Variants in EPRS1 observed in about 807,000 individuals in gnomAD.
EPRS1 encodes glutamyl-prolyl-tRNA synthetase 1.
EPRS1 carries 107 observed loss-of-function variants against 188.3 expected under a neutral mutation model. That is an observed-to-expected ratio of 0.57 (90% CI 0.49 to 0.67). The LOEUF is 0.67. EPRS1 is among the 30% of genes least tolerant of loss of function. The pLI, the probability that EPRS1 is intolerant of heterozygous loss-of-function variation, is 0.00. For missense variants in EPRS1, 1,577 were observed against 1,802.2 expected, an observed-to-expected ratio of 0.88 and a Z score of 2.26; for synonymous variants, 596 against 593.1, an observed-to-expected ratio of 1.00 and a Z score of -0.07.
chr1:220,014,522 G>A (rs945747014), intron 12 of EPRS1, among the ~76,000 whole-genome samples: 2 of 152,100 alleles, frequency 1.3e-5, no homozygotes, highest in Non-Finnish European at 1.5e-5. Flanking sequence ...GGTACTGCAC[G>A]AGAGACAATG....
chr1:220,024,136 A>G, intron 8 of EPRS1, 128 bp downstream of exon 8: 1 of 651,034 alleles, frequency 1.5e-6, no homozygotes, highest in South Asian at 2.3e-5. Flanking sequence ...CAGGCAACAG[A>G]GCGAGACTCC....
At chr1:220,026,221 C>G (rs76542034) in intron 6 of EPRS1, among the ~76,000 whole-genome samples, 1 of 152,164 alleles carries the variant, frequency 6.6e-6, no homozygotes, top group East Asian at 1.9e-4. Context: ...TAAATAATCC[C>G]AAAGGTCTCA....
intron 28 of EPRS1, among the ~76,000 whole-genome samples, chr1:219,977,958 G>GA (rs1273363528): frequency 1.3e-5 from 2 of 152,038 alleles, no homozygotes; most frequent in South Asian, 2.1e-4. Context: ...TTCAGCATAA[G>GA]AAAAAAATGT....
chr1:220,028,029 G>C (rs1662016840), intron 6 of EPRS1, among the ~76,000 whole-genome samples: 1 of 151,974 alleles, frequency 6.6e-6, no homozygotes, highest in Admixed American at 6.6e-5. Flanking sequence ...TTAATGTTAG[G>C]AAAAACTGGG....
In EPRS1 at chr1:220,034,934, T is replaced by G; in HGVS notation, c.211A>C (p.Asn71His). The change falls in exon 3 of 32, where the codon AAT (asparagine) becomes CAT (histidine). Residue 71 changes from asparagine to histidine, a missense_variant. This residue lies in a region of EPRS1 where 1,278 missense variants were observed against 1,457.4 expected (regional missense o/e 0.88). Transcript: ENST00000366923. ...VATTAGLYGS[N>H]LMEHTEIDHW... is the part of the protein sequence containing the mutation. The stretch of plus-strand genomic sequence containing the variant: ...CTTACCTCAGTATGTTCCATCAGAT[T>G]AGAGCCATATAACCCAGCTGTAGTT... 6.3e-7 allele frequency: 1 copy of G among 1,596,788 alleles called. No homozygotes were observed. The highest frequency in any genetic ancestry group is 8.6e-7 in the Non-Finnish European group (1 of 1,164,626).
chr1:219,969,915 G>C (rs1021070535), intron 30 of EPRS1, among the ~76,000 whole-genome samples: 2 of 152,112 alleles, frequency 1.3e-5, no homozygotes, highest in African/African-American at 4.8e-5. Flanking sequence ...CTGCCTCTTG[G>C]GTTCAAGCAA....
intron 6 of EPRS1, among the ~76,000 whole-genome samples, chr1:220,027,132 A>G (rs1661990190): frequency 6.6e-6 from 1 of 151,824 alleles, no homozygotes; most frequent in Non-Finnish European, 1.5e-5. Flanking sequence ...TCTACTAAAA[A>G]TACAAAAATT....
chr1:220,041,913 G>T (rs1356455566), intron 1 of EPRS1, among the ~76,000 whole-genome samples: 1 of 152,158 alleles, frequency 6.6e-6, no homozygotes, highest in South Asian at 2.1e-4. Context: ...CAGGGCTGTG[G>T]CAAGGAAGGT....
At chr1:220,010,735 G>A (rs941198583) in intron 13 of EPRS1, among the ~76,000 whole-genome samples, 15 of 151,416 alleles carry the variant, frequency 9.9e-5, no homozygotes, top group Non-Finnish European at 1.8e-4. Context: ...GCGTGAACCC[G>A]GGAGGCAGGG....
At chr1:220,024,231 A>C (rs1471270615) in intron 8 of EPRS1, 33 bp downstream of exon 8, 39 of 1,370,686 alleles carry the variant, frequency 2.8e-5, no homozygotes, top group Non-Finnish European at 3.8e-5. Context: ...CAATATAAGA[A>C]TATCAATTAA....
chr1:220,032,296 C>T, intron 5 of EPRS1, 91 bp downstream of exon 5: 3 of 947,322 alleles, frequency 3.2e-6, no homozygotes, highest in South Asian at 1.9e-5. Context: ...CCGTGTTATT[C>T]AGGATGGTCT....
chr1:220,001,199 G>C lies in EPRS1; in HGVS notation c.2120C>G (p.Thr707Arg). Reference protein sequence around the residue: ...CVLIYIPDGHTKEMPTSGSKE... With the variant: ...CVLIYIPDGHRKEMPTSGSKE... ...TGACCCTGATGTTGGCATTTCCTTT[G>C]TGTGCCCATCAGGAATGTATATCAA... Residue 707 changes from threonine to arginine, a missense_variant, in exon 17 of 32, where the codon ACA becomes AGA. Physicochemically the swap from Thr to Arg is moderately conservative, Grantham distance 71. This residue lies in a region of EPRS1 where 1,278 missense variants were observed against 1,457.4 expected (regional missense o/e 0.88). Coordinates refer to ENST00000366923, the MANE Select transcript of EPRS1 (RefSeq NM_004446.3). 6.2e-7 allele frequency: 1 copy of C among 1,613,836 alleles called. No homozygotes were observed. Among genetic ancestry groups the C allele is most frequent in the Non-Finnish European group, 8.5e-7 (1 of 1,179,876 alleles).
In EPRS1 at chr1:220,005,233, G is replaced by A; in HGVS notation, c.2063+15C>T. 2.5e-6 allele frequency: 3 copies of A among 1,197,578 alleles called. No homozygotes were observed. Among genetic ancestry groups the A allele is most frequent in the South Asian group, 3.1e-5 (2 of 65,454 alleles). 74.2% of individuals were successfully genotyped at this position (1,197,578 alleles called of 1,614,324 possible). On this transcript the variant is annotated intron_variant, in intron 16 of 31. Transcript: ENST00000366923. ...TTAAGCATTTTCATTTAGACGTTCA[G>A]TTACATTTACTTACCTAACAGGTTC...
chr1:220,018,432 A>G lies in EPRS1; in HGVS notation c.1494+17T>C. 1 of 1,587,316 alleles carries G rather than the reference A, an allele frequency of 6.3e-7. No homozygotes were observed. Among genetic ancestry groups the G allele is most frequent in the Non-Finnish European group, 8.6e-7 (1 of 1,156,874 alleles). On this transcript the variant is annotated intron_variant, in intron 12 of 31. Coordinates refer to ENST00000366923, the MANE Select transcript of EPRS1 (RefSeq NM_004446.3). ...ACTTAAGCATGAGAAAAGAAGGCAGAGAGTTAACATACATACCTTTTTGTT... is the reference window on the plus strand; with the variant it reads ...ACTTAAGCATGAGAAAAGAAGGCAGGGAGTTAACATACATACCTTTTTGTT...
chr1:219,986,042 T>C (rs1184023841), intron 20 of EPRS1, among the ~76,000 whole-genome samples: 1 of 152,210 alleles, frequency 6.6e-6, no homozygotes, highest in South Asian at 2.1e-4. Flanking sequence ...TTCAGTTTAA[T>C]AGTCAAAAGG....
chr1:219,994,703 T>C (rs1214581235), intron 18 of EPRS1, among the ~76,000 whole-genome samples: 1 of 136,754 alleles, frequency 7.3e-6, no homozygotes, highest in Non-Finnish European at 1.5e-5. Context: ...CAGGCTGGAG[T>C]ACAGTGGCAC....
chr1:220,029,476 C>G (rs10863524), intron 6 of EPRS1, among the ~76,000 whole-genome samples: 1 of 152,094 alleles, frequency 6.6e-6, no homozygotes. Flanking sequence ...TTAAATACAT[C>G]GCTAAAAGAA....
chr1:219,989,684 C>A (rs2647433), intron 18 of EPRS1, among the ~76,000 whole-genome samples: 131,477 of 152,256 alleles, frequency 0.86, 57,196 homozygotes, highest in African/African-American at 0.97. Flanking sequence ...TATACCTTCA[C>A]AAAATTTGCA....
chr1:220,024,024 C>T (rs1347008995), intron 8 of EPRS1, among the ~76,000 whole-genome samples: 6 of 152,060 alleles, frequency 3.9e-5, no homozygotes, highest in African/African-American at 1.4e-4. Context: ...TGGTGGTGCA[C>T]GCCTGTCATC....
Sources: allele counts gnomAD v4.1 joint callset (sites outside exome capture counted in the v4.1 genomes callset), GRCh38; gene constraint gnomAD v4.1.1; regional missense constraint gnomAD v4.1.1; transcripts MANE v1.5; gene names NCBI Gene and HGNC (gene_info 2026-07-23, HGNC 2026-07-21).